ARFGEF2: variants seen among roughly 807,000 people sequenced by gnomAD.
ARFGEF2 encodes brefeldin A-inhibited guanine nucleotide-exchange protein 2.
ARFGEF2 carries 74 observed loss-of-function variants against 219.9 expected under a neutral mutation model. The observed-to-expected ratio is 0.34, with a 90% confidence interval of 0.28 to 0.41. The LOEUF (loss-of-function observed/expected upper bound fraction) is 0.41. Ranked by LOEUF, ARFGEF2 falls within the 10% of genes least tolerant of loss-of-function variation. ARFGEF2 has a pLI of 1.00. For missense variants in ARFGEF2, 1,743 were observed against 2,218.3 expected, an observed-to-expected ratio of 0.79 and a Z score of 4.30; for synonymous variants, 733 against 799.2, an observed-to-expected ratio of 0.92 and a Z score of 1.40.
chr20:48,950,812 ATATATATATATATATATAT>A (rs1426081949), intron 3 of ARFGEF2, among the ~76,000 whole-genome samples: 6 of 43,998 alleles, frequency 1.4e-4, no homozygotes, highest in African/African-American at 6.0e-4. Context: ...AAAAAAAAAA[ATATATATATATATATATAT>A]ATATATATAT....
At chr20:49,016,657 A>T (rs989458312) in intron 31 of ARFGEF2, among the ~76,000 whole-genome samples, 2 of 152,154 alleles carry the variant, frequency 1.3e-5, no homozygotes, top group Non-Finnish European at 2.9e-5. Flanking sequence ...TTCATGTATT[A>T]TACTGTTCTT....
intron 7 of ARFGEF2, 103 bp from the exon 8 acceptor site, chr20:48,965,769 G>A (rs2091183322): frequency 2.1e-6 from 3 of 1,419,844 alleles, no homozygotes; most frequent in African/African-American, 2.8e-5. Flanking sequence ...AGGGGAAAAA[G>A]CAACAGCTGG....
At chr20:48,978,208 T>C (rs2091274136) in intron 14 of ARFGEF2, among the ~76,000 whole-genome samples, 1 of 152,226 alleles carries the variant, frequency 6.6e-6, no homozygotes, top group Non-Finnish European at 1.5e-5. Context: ...CTAGCCAGTT[T>C]TCCCAGCACC....
intron 25 of ARFGEF2, among the ~76,000 whole-genome samples, chr20:49,004,647 A>C (rs2091446597): frequency 6.6e-6 from 1 of 151,042 alleles, no homozygotes; most frequent in South Asian, 2.1e-4. Flanking sequence ...CTAAAAATAC[A>C]AAAATCAGCC....
At chr20:49,008,379 A>G (rs561422868) in intron 26 of ARFGEF2, among the ~76,000 whole-genome samples, 1 of 151,882 alleles carries the variant, frequency 6.6e-6, no homozygotes, top group Admixed American at 6.6e-5. Flanking sequence ...CCTGGCCAAC[A>G]TGCTGAAACC....
intron 6 of ARFGEF2, among the ~76,000 whole-genome samples, chr20:48,958,593 C>T (rs1365138866): frequency 1.4e-5 from 2 of 145,742 alleles, no homozygotes; most frequent in Non-Finnish European, 3.0e-5. Context: ...CCCGCCACTA[C>T]GCCTGGCTAA....
chr20:49,035,857 G>T lies in ARFGEF2; in HGVS notation c.*2658G>T. Reference sequence around the variant, plus strand: ...CAGTGGATGGGTAATTTTTATTTCTGATACGCATCTTTAGAGTCAAATATA... The same window carrying T: ...CAGTGGATGGGTAATTTTTATTTCTTATACGCATCTTTAGAGTCAAATATA... On this transcript the variant is annotated 3_prime_UTR_variant, in exon 39 of 39. Coordinates refer to ENST00000371917, the MANE Select transcript of ARFGEF2 (RefSeq NM_006420.3). 2 of 243,874 alleles carry T rather than the reference G, an allele frequency of 8.2e-6. No homozygotes were observed. Among genetic ancestry groups the T allele is most frequent in the Non-Finnish European group, 1.6e-5 (2 of 128,644 alleles). The allele number at this position is 243,874 out of a possible 1,614,324, so 15.1% of individuals were successfully genotyped here.
chr20:48,939,454 A>G (rs759520274), intron 1 of ARFGEF2, among the ~76,000 whole-genome samples: 5 of 152,104 alleles, frequency 3.3e-5, no homozygotes, highest in Non-Finnish European at 7.4e-5. Context: ...TCACAGTGAC[A>G]TATCTTGTCA....
chr20:49,002,964 CTTT>C (rs558842301), intron 25 of ARFGEF2, among the ~76,000 whole-genome samples: 289 of 112,650 alleles, frequency 2.6e-3, no homozygotes, highest in African/African-American at 7.6e-3. Flanking sequence ...ATTTTTTTAA[CTTT>C]TTTTTTTTTT....
At chr20:48,946,497 T>TATA (rs1568696742) in intron 3 of ARFGEF2, among the ~76,000 whole-genome samples, 2 of 141,150 alleles carry the variant, frequency 1.4e-5, no homozygotes, top group Admixed American at 7.3e-5. Flanking sequence ...ATATATATAT[T>TATA]TTTATTTTTT....
At chr20:48,968,364 G>A (rs531118202) in intron 8 of ARFGEF2, among the ~76,000 whole-genome samples, 27 of 150,770 alleles carry the variant, frequency 1.8e-4, no homozygotes, top group African/African-American at 2.4e-4. Context: ...AGTTTATTTC[G>A]TAATACCTAT....
intron 1 of ARFGEF2, among the ~76,000 whole-genome samples, chr20:48,932,848 T>C (rs977654096): frequency 1.3e-5 from 2 of 152,120 alleles, no homozygotes; most frequent in Non-Finnish European, 2.9e-5. Context: ...GGTAGGTGAC[T>C]GGGAGCTAAA....
intron 14 of ARFGEF2, 127 bp from the exon 15 acceptor site, chr20:48,984,602 T>G: frequency 5.5e-5 from 68 of 1,227,656 alleles, no homozygotes; most frequent in Non-Finnish European, 6.8e-5. Flanking sequence ...AGGACAGACA[T>G]GACCTTGCTA....
intron 1 of ARFGEF2, among the ~76,000 whole-genome samples, chr20:48,924,155 C>T (rs1346158601): frequency 1.3e-5 from 2 of 152,118 alleles, no homozygotes; most frequent in Non-Finnish European, 2.9e-5. Context: ...AGCAGAATGC[C>T]TGGTGATATT....
chr20:48,991,795 C>A (rs1347833292), intron 21 of ARFGEF2, among the ~76,000 whole-genome samples: 2 of 152,056 alleles, frequency 1.3e-5, no homozygotes, highest in Non-Finnish European at 2.9e-5. Context: ...TATGGTACAG[C>A]ATTTTTTAGA....
rs369538378 is a variant in ARFGEF2, at chr20:49,023,138, C to T, written c.4712C>T (p.Ala1571Val). The T allele has an allele frequency of 9.9e-6, 16 of 1,613,982 alleles. No individual in the cohort carries two copies. The highest frequency in any genetic ancestry group is 2.2e-5 in the East Asian group (1 of 44,884). Residue 1571 changes from alanine (A) to valine (V), a missense_variant, in exon 35 of 39, where the codon GCG becomes GTG. Ala to Val is a moderately conservative substitution (Grantham distance 64). Around this residue, in one of 5 missense-constraint regions of ARFGEF2, gnomAD observed 578 missense variants for 664.0 expected, o/e 0.87. Transcript: ENST00000371917. ...ATTGACAACATTGTGTTCTACCCTG[C>T]GACGAGCAAAAAGGAGGATGCAGAG... ...QTIDNIVFYP[A>V]TSKKEDAEHM... is the part of the protein sequence containing the mutation.
At chr20:49,026,941 G>A (rs1420627787) in intron 36 of ARFGEF2, among the ~76,000 whole-genome samples, 2 of 151,958 alleles carry the variant, frequency 1.3e-5, no homozygotes, top group African/African-American at 2.4e-5. Flanking sequence ...ATTAAAGAAT[G>A]TCATTTTTCT....
chr20:48,957,243 C>G (rs2041851366), intron 6 of ARFGEF2, among the ~76,000 whole-genome samples: 1 of 152,174 alleles, frequency 6.6e-6, no homozygotes, highest in African/African-American at 2.4e-5. Context: ...TATGCTTACC[C>G]CTCATTGGCT....
Position 48,973,252 on chromosome 20 carries a change from A to C in ARFGEF2, c.1633A>C (p.Ser545Arg). ...NDLSKIAQGRSGHELGMTPLQ... is the reference protein window; with the variant it reads ...NDLSKIAQGRRGHELGMTPLQ... ...TTTATCCAAAATTGCTCAGGGAAGAAGTGGACATGAGCTGGGAATGACACC... is the reference window on the plus strand; with the variant it reads ...TTTATCCAAAATTGCTCAGGGAAGACGTGGACATGAGCTGGGAATGACACC... Residue 545 changes from serine (S) to arginine (R), a missense_variant, in exon 12 of 39, where the codon AGT (serine) becomes CGT (arginine). Physicochemically the swap from Ser to Arg is moderately radical, Grantham distance 110. Around this residue, in one of 5 missense-constraint regions of ARFGEF2, gnomAD observed 666 missense variants for 955.4 expected, o/e 0.70. Coordinates refer to ENST00000371917, the MANE Select transcript of ARFGEF2 (RefSeq NM_006420.3). 9 of 1,614,210 alleles carry C rather than the reference A, an allele frequency of 5.6e-6. No homozygotes were observed. The highest frequency in any genetic ancestry group is 7.6e-6 in the Non-Finnish European group (9 of 1,180,016).
Sources: allele counts gnomAD v4.1 joint callset (sites outside exome capture counted in the v4.1 genomes callset), GRCh38; gene constraint gnomAD v4.1.1; regional missense constraint gnomAD v4.1.1; transcripts MANE v1.5; gene names NCBI Gene and HGNC (gene_info 2026-07-23, HGNC 2026-07-21).